Variants in POLR1B observed in about 807,000 individuals in gnomAD.
POLR1B encodes DNA-directed RNA polymerase I subunit RPA2.
In POLR1B, 30 loss-of-function variants were observed where a neutral mutation model predicts 105.8. That is an observed-to-expected ratio of 0.28 (90% confidence interval 0.21 to 0.38). The LOEUF is 0.38. Among genes scored for constraint, POLR1B ranks in the 10% least tolerant of loss-of-function variants. POLR1B has a pLI of 1.00. For missense variants in POLR1B, 976 were observed against 1,435.8 expected (o/e 0.68, Z 5.17); for synonymous variants, 485 against 505.1 (o/e 0.96, Z 0.53).
At position 112,551,013 on chromosome 2, in the gene POLR1B, A is replaced by G. The variant is rs752369065; in HGVS notation, c.762+11A>G. 1.9e-6 allele frequency: 3 copies of G among 1,610,490 alleles called. No individual in the cohort carries two copies. In the African/African-American group the frequency reaches 4.0e-5, roughly 22 times the overall value. On this transcript the variant is annotated intron_variant, in intron 5 of 14. Coordinates refer to ENST00000263331, the MANE Select transcript of POLR1B (RefSeq NM_019014.6). ...GGATTTGCACTTAAGGTATGACTTA[A>G]TGAATGCATTCTTTTGTTATGAAGA...
chr2:112,545,794 T>C, intron 1 of POLR1B: 1 of 364,480 alleles, frequency 2.7e-6, no homozygotes. Flanking sequence ...CGTGCACCAC[T>C]ATGCCCGGCT....
At chr2:112,563,391 C>G (rs1684111203) in intron 9 of POLR1B, among the ~76,000 whole-genome samples, 1 of 152,128 alleles carries the variant, frequency 6.6e-6, no homozygotes, top group Non-Finnish European at 1.5e-5. Flanking sequence ...GTTTGCGACA[C>G]CAATTGCATC....
rs1389813455 is a variant in POLR1B, at chr2:112,572,609, G to C, written c.2122G>C (p.Asp708His). ...ACTTCTCACTTATCAAGACCGATCG[G>C]ATAACAAACTGTATCGTCTTCAGAC... ...FPLLTYQDRSDNKLYRLQTPQ... is the reference protein window; with the variant it reads ...FPLLTYQDRSHNKLYRLQTPQ... The change falls in exon 13 of 15, where the codon GAT (aspartate) becomes CAT (histidine). Residue 708 changes from aspartate to histidine, a missense_variant. Around this residue, in one of 12 missense-constraint regions of POLR1B, gnomAD observed 46 missense variants for 66.8 expected, o/e 0.69. Transcript: ENST00000263331. The C allele has an allele frequency of 6.2e-7, 1 of 1,610,912 alleles. No individual in the cohort carries two copies. Among genetic ancestry groups the C allele is most frequent in the Non-Finnish European group, 8.5e-7 (1 of 1,178,752 alleles).
At chr2:112,572,507 C>A (rs1012613631) in intron 12 of POLR1B, 55 bp from the exon 13 acceptor site, 1 of 1,332,856 alleles carries the variant, frequency 7.5e-7, no homozygotes. Flanking sequence ...GCGTATCACA[C>A]CTATAATCAA....
chr2:112,579,208 C>CAAAAAAA lies in POLR1B; in HGVS notation c.*3505_*3511dup, dbSNP rs56190123. Among the ~76,000 whole-genome samples, 30 of 58,692 alleles carry CAAAAAAA rather than the reference C, an allele frequency of 5.1e-4. No individual in the cohort carries two copies. Among genetic ancestry groups the CAAAAAAA allele is most frequent in the African/African-American group, 8.5e-4 (12 of 14,096 alleles). 38.5% of individuals were successfully genotyped at this position (58,692 alleles called of 152,430 possible). Reference sequence around the variant, plus strand: ...GGGCAACAGAGCAAGACTAGAGTCTCAAAAAAAAAAAAAAAAAAAAAAAAA... The same window carrying CAAAAAAA: ...GGGCAACAGAGCAAGACTAGAGTCTCAAAAAAAAAAAAAAAAAAAAAAAAAAAAAAAA... On this transcript the variant is annotated 3_prime_UTR_variant, in exon 15 of 15. Transcript: ENST00000263331.
chr2:112,568,882 A>G lies in POLR1B; in HGVS notation c.2054A>G (p.Asn685Ser). 6.2e-7 allele frequency: 1 copy of G among 1,614,092 alleles called. No homozygotes were observed. Among genetic ancestry groups the G allele is most frequent in the Non-Finnish European group, 8.5e-7 (1 of 1,179,994 alleles). Residue 685 changes from asparagine to serine, a missense_variant, in exon 12 of 15, where the codon AAC becomes AGC. This residue lies in a region of POLR1B where 3 missense variants were observed against 26.2 expected (regional missense o/e 0.11). Transcript: ENST00000263331. ...TCTGATCACAACCAGAGTCCACGGAACATGTACCAATGCCAGATGGGTAAG... is the reference window on the plus strand; with the variant it reads ...TCTGATCACAACCAGAGTCCACGGAGCATGTACCAATGCCAGATGGGTAAG... ...PFSDHNQSPRNMYQCQMGKQT... is the reference protein window; with the variant it reads ...PFSDHNQSPRSMYQCQMGKQT...
At chr2:112,547,613 T>TG (rs1208302282) in intron 3 of POLR1B, 46 bp downstream of exon 3, 1 of 1,582,228 alleles carries the variant, frequency 6.3e-7, no homozygotes, top group South Asian at 1.1e-5. Flanking sequence ...AGGCCTGGGT[T>TG]GGGAGTAAGA....
chr2:112,559,723 T>C (rs1362573820), intron 9 of POLR1B, 149 bp downstream of exon 9: 38 of 911,888 alleles, frequency 4.2e-5, no homozygotes, highest in African/African-American at 1.0e-4. Context: ...CTCTGCCTCC[T>C]AGGTTCACGC....
In POLR1B at chr2:112,575,616, A is replaced by G; in HGVS notation, c.3295A>G (p.Thr1099Ala). The G allele has an allele frequency of 3.7e-6, 6 of 1,613,912 alleles. No homozygotes were observed. Among genetic ancestry groups the G allele is most frequent in the Non-Finnish European group, 5.1e-6 (6 of 1,179,964 alleles). ...SAMRNRKYNC[T>A]LCSRSDTIDT... ...CATGCGCAACAGAAAATACAACTGT[A>G]CTCTGTGTAGTCGCAGTGACACTAT... The change falls in exon 15 of 15, where the codon ACT becomes GCT. Residue 1099 changes from threonine (T) to alanine (A), a missense_variant. Transcript: ENST00000263331. This position sits in a 1 kb window ranked among gnomAD's most constrained non-coding sequence, Gnocchi z 5.3.
At chr2:112,556,778 A>G (rs559860843) in intron 7 of POLR1B, among the ~76,000 whole-genome samples, 70 of 152,342 alleles carry the variant, frequency 4.6e-4, no homozygotes, top group African/African-American at 1.6e-3. Flanking sequence ...TGAACCACCC[A>G]TAGAAAGCGC....
At position 112,560,799 on chromosome 2, in the gene POLR1B, G is replaced by A. The variant is rs924903559; in HGVS notation, c.1612+1225G>A. Among the ~76,000 whole-genome samples the A allele has an allele frequency of 4.6e-5, 7 of 152,120 alleles. 1 individual carries two copies. The highest frequency in any genetic ancestry group is 2.6e-4 in the Admixed American group (4 of 15,284). ...TGGCCGGGCGTGGTGGCCCATGCCT[G>A]TAATCCCAGCACTTTGGGAAGCCGA... On this transcript the variant is annotated intron_variant, in intron 9 of 14. Transcript: ENST00000263331.
chr2:112,569,138 T>G lies in POLR1B; in HGVS notation c.2074+236T>G, dbSNP rs76305896. On this transcript the variant is annotated intron_variant, in intron 12 of 14. Coordinates refer to ENST00000263331, the MANE Select transcript of POLR1B (RefSeq NM_019014.6). The stretch of plus-strand genomic sequence containing the variant: ...ACAGATCTTTAAACATTCTTTGTCT[T>G]TGACATTGACATTTTTGAAGAAAAA... Among the ~76,000 whole-genome samples the G allele has an allele frequency of 2.2e-3, 336 of 152,352 alleles. 3 individuals carry two copies. Among genetic ancestry groups the G allele is most frequent in the Non-Finnish European group, 2.9e-3 (196 of 68,028 alleles).
intron 3 of POLR1B, among the ~76,000 whole-genome samples, chr2:112,548,829 GTCTTGATC>G (rs1683205390): frequency 6.6e-6 from 1 of 152,130 alleles, no homozygotes; most frequent in African/African-American, 2.4e-5. Flanking sequence ...AGCCAGGATG[GTCTTGATC>G]TCCTGACCTT....
At position 112,576,509 on chromosome 2, in the gene POLR1B, ACT is replaced by A. The variant is rs1369705566; in HGVS notation, c.*784_*785del. The A allele has an allele frequency of 1.3e-5, 2 of 149,054 alleles. No homozygotes were observed. Among genetic ancestry groups the A allele is most frequent in the Non-Finnish European group, 3.0e-5 (2 of 67,168 alleles). 9.2% of individuals were successfully genotyped at this position (149,054 alleles called of 1,614,324 possible). A position where few individuals can be genotyped will look rare whatever the true frequency, so the allele number is the denominator to read the frequency against. ...ACTGAAGCTTTATACCTGTTGAACA[ACT>A]CTCCATTTCCCTGGCCCCTAGCAAC... On this transcript the variant is annotated 3_prime_UTR_variant, in exon 15 of 15. Coordinates refer to ENST00000263331, the MANE Select transcript of POLR1B (RefSeq NM_019014.6).
At position 112,575,740 on chromosome 2, in the gene POLR1B, A is replaced by C. The variant is rs2104585202; in HGVS notation, c.*11A>C. 1 of 1,600,754 alleles carries C rather than the reference A, an allele frequency of 6.2e-7. No homozygotes were observed. The highest frequency in any genetic ancestry group is 2.2e-5 in the East Asian group (1 of 44,656). On this transcript the variant is annotated 3_prime_UTR_variant, in exon 15 of 15. Coordinates refer to ENST00000263331, the MANE Select transcript of POLR1B (RefSeq NM_019014.6). The surrounding 1 kb of genome is among the most constrained non-coding windows in gnomAD (Gnocchi z 5.3). ...CTGGATGTTGTTTAACTTGATGTTGACCTTTTGGATTAAGAGGACTATCAG... is the reference window on the plus strand; with the variant it reads ...CTGGATGTTGTTTAACTTGATGTTGCCCTTTTGGATTAAGAGGACTATCAG...
At position 112,568,771 on chromosome 2, in the gene POLR1B, A is replaced by T. The variant is rs146305399; in HGVS notation, c.1943A>T (p.Glu648Val). ...ATCTTCATGAATGTCGCTATCTTTGAGGATGAAGTTTTTGCTGGAGTTACC... is the reference window on the plus strand; with the variant it reads ...ATCTTCATGAATGTCGCTATCTTTGTGGATGAAGTTTTTGCTGGAGTTACC... ...EQIFMNVAIF[E>V]DEVFAGVTTH... The change falls in exon 12 of 15, where the codon GAG (glutamate) becomes GTG (valine). Residue 648 changes from glutamate (E) to valine (V), a missense_variant. This residue lies in a region of POLR1B where 184 missense variants were observed against 197.4 expected (regional missense o/e 0.93). Transcript: ENST00000263331. 429 of 1,613,944 alleles carry T rather than the reference A, an allele frequency of 2.7e-4. No individual in the cohort carries two copies. The highest frequency in any genetic ancestry group is 3.3e-4 in the Non-Finnish European group (385 of 1,180,004).
chr2:112,560,590 T>A (rs1683928390), intron 9 of POLR1B, among the ~76,000 whole-genome samples: 2 of 152,080 alleles, frequency 1.3e-5, no homozygotes. Context: ...GTTCTCCATT[T>A]ATGATTTGGA....
chr2:112,546,382 A>C (rs1264697464), intron 1 of POLR1B, among the ~76,000 whole-genome samples: 1 of 152,180 alleles, frequency 6.6e-6, no homozygotes, highest in Non-Finnish European at 1.5e-5. Context: ...TTAAGAATAC[A>C]CAAGGCTCTT....
intron 12 of POLR1B, among the ~76,000 whole-genome samples, chr2:112,571,817 T>G (rs867603214): frequency 1.3e-5 from 2 of 152,308 alleles, no homozygotes; most frequent in Middle Eastern, 3.4e-3. Context: ...CATAAATACT[T>G]AAAAACCTGG....
Sources: allele counts gnomAD v4.1 joint callset (sites outside exome capture counted in the v4.1 genomes callset), GRCh38; gene constraint gnomAD v4.1.1; regional missense constraint gnomAD v4.1.1; non-coding constraint Gnocchi (gnomAD v3.1); transcripts MANE v1.5; gene names NCBI Gene and HGNC (gene_info 2026-07-23, HGNC 2026-07-21).